The following FKBP7 variants were observed in gnomAD, a reference collection of about 807,000 sequenced individuals.
The protein encoded by FKBP7 is peptidyl-prolyl cis-trans isomerase FKBP7.
Under a neutral mutation model 24.3 loss-of-function variants are expected in FKBP7, and 24 were observed. The ratio of observed to expected loss-of-function variants is 0.99; its 90% CI spans 0.72 to 1.39. FKBP7 has a LOEUF of 1.39. FKBP7 is among the 40% of genes most tolerant of loss of function. FKBP7 has a pLI of 0.00. For missense variants in FKBP7, 257 were observed against 269.5 expected (o/e 0.95, Z 0.33); for synonymous variants, 98 against 92.8 (o/e 1.06, Z -0.32).
chr2:178,476,434 T>C (rs891754432), intron 2 of FKBP7, among the ~76,000 whole-genome samples: 32 of 152,332 alleles, frequency 2.1e-4, no homozygotes, highest in African/African-American at 6.3e-4. Context: ...TACACTACCA[T>C]GCAACCAATC....
chr2:178,478,138 A>AT (rs545787975), intron 1 of FKBP7, 141 bp downstream of exon 1: 553 of 810,202 alleles, frequency 6.8e-4, no homozygotes, highest in African/African-American at 4.3e-3. Flanking sequence ...ATATAATGTG[A>AT]TTTTTTTTAA....
chr2:178,472,835 G>C (rs1363743331), intron 2 of FKBP7, among the ~76,000 whole-genome samples: 5 of 104,848 alleles, frequency 4.8e-5, no homozygotes, highest in African/African-American at 1.9e-4. Flanking sequence ...CTGGGTGACA[G>C]AGCAAGACTC....
chr2:178,465,878 C>G lies in FKBP7; in HGVS notation c.561G>C (p.Lys187Asn). ...CTTCTAAAACTGCATCCTGATATGA[C>G]TTGTCACGTGGCTTCTCATCTTTTT... Reference protein sequence around the residue: ...EFEKDEKPRDKSYQDAVLEDI... With the variant: ...EFEKDEKPRDNSYQDAVLEDI... The change falls in exon 4 of 4, where the codon AAG becomes AAC. Residue 187 changes from lysine (K) to asparagine (N), a missense_variant. Transcript: ENST00000424785. 1 of 1,610,094 alleles carries G rather than the reference C, an allele frequency of 6.2e-7. No individual in the cohort carries two copies. The highest frequency in any genetic ancestry group is 2.2e-5 in the East Asian group (1 of 44,662).
chr2:178,470,164 C>T (rs183862930), intron 2 of FKBP7, among the ~76,000 whole-genome samples: 22 of 152,158 alleles, frequency 1.4e-4, no homozygotes, highest in Non-Finnish European at 3.1e-4. Flanking sequence ...CAACCAGTCT[C>T]GGCTTGAAAA....
At position 178,477,073 on chromosome 2, in the gene FKBP7, T is replaced by A; in HGVS notation, c.362A>T (p.Lys121Met). Residue 121 changes from lysine to methionine, a missense_variant, in exon 2 of 4, where the codon AAG becomes ATG. Physicochemically the swap from Lys to Met is moderately conservative, Grantham distance 95. Transcript: ENST00000424785. ...ATTAAACATCTTACCATAGCCTTCC[T>A]TTCCGTATGCAAATGAAGGGGGTAT... ...VVIPPSFAYGKEGYAEGKIPP... is the reference protein window; with the variant it reads ...VVIPPSFAYGMEGYAEGKIPP... The A allele has an allele frequency of 6.3e-7, 1 of 1,594,014 alleles. No individual in the cohort carries two copies. Among genetic ancestry groups the A allele is most frequent in the Non-Finnish European group, 8.5e-7 (1 of 1,174,088 alleles).
At chr2:178,469,928 C>T in intron 2 of FKBP7, 143 bp from the exon 3 acceptor site, 2 of 591,126 alleles carry the variant, frequency 3.4e-6, no homozygotes, top group Non-Finnish European at 5.1e-6. Context: ...TTTTTCTCAT[C>T]TTTTATAACT....
chr2:178,469,288 C>T (rs1306354158), intron 3 of FKBP7, among the ~76,000 whole-genome samples: 1 of 152,188 alleles, frequency 6.6e-6, no homozygotes, highest in African/African-American at 2.4e-5. Flanking sequence ...CCCTTGCTAG[C>T]TCTTTTCATC....
Position 178,465,703 on chromosome 2 carries a change from A to C in FKBP7, c.*67T>G, listed in dbSNP as rs1684633394. ...AAAATAGCAAATACAACTTGGAGAA[A>C]AGTGACTTTGTTTTATACATAAAGT... On this transcript the variant is annotated 3_prime_UTR_variant, in exon 4 of 4. Transcript: ENST00000424785. The C allele has an allele frequency of 1.4e-6, 2 of 1,385,040 alleles. No homozygotes were observed. The highest frequency in any genetic ancestry group is 5.6e-5 in the Admixed American group (2 of 35,744). The allele number at this position is 1,385,040 out of a possible 1,614,324, so 85.8% of individuals were successfully genotyped here.
rs1684635677 is a variant in FKBP7 at position 178,465,750 on chromosome 2, AAAGT to A, written c.*16_*19del. 2 of 1,543,010 alleles carry A rather than the reference AAAGT, an allele frequency of 1.3e-6. No homozygotes were observed. The highest frequency in any genetic ancestry group is 1.4e-5 in the African/African-American group (1 of 71,488). On this transcript the variant is annotated 3_prime_UTR_variant, in exon 4 of 4. Coordinates refer to ENST00000424785, the MANE Select transcript of FKBP7 (RefSeq NM_181342.3). ...AAGTACAGTAAATAGCTAAAAAAAA[AAAGT>A]AGAAATACAAATATGCTATAGTTCA... is the stretch of plus-strand genomic sequence containing the variant.
chr2:178,471,652 A>G (rs527449414), intron 2 of FKBP7, among the ~76,000 whole-genome samples: 1 of 152,366 alleles, frequency 6.6e-6, no homozygotes, highest in Admixed American at 6.5e-5. Context: ...CACAGTGCCT[A>G]ATCTACTACA....
intron 2 of FKBP7, among the ~76,000 whole-genome samples, chr2:178,472,751 G>A (rs999833983): frequency 1.3e-5 from 2 of 150,878 alleles, no homozygotes; most frequent in African/African-American, 4.9e-5. Context: ...CGGAGGCTGA[G>A]GCAGGAGAAT....
intron 3 of FKBP7, among the ~76,000 whole-genome samples, chr2:178,468,556 AG>A (rs1335037765): frequency 6.6e-6 from 1 of 151,950 alleles, no homozygotes; most frequent in Non-Finnish European, 1.5e-5. Context: ...CAGGGGTTTA[AG>A]GGTGCAGTGA....
intron 2 of FKBP7, chr2:178,473,170 G>C (rs758976143): frequency 9.8e-7 from 1 of 1,023,620 alleles, no homozygotes; most frequent in South Asian, 1.3e-5. Flanking sequence ...CTAATGTTAG[G>C]TCTTAATAAC....
At chr2:178,474,770 C>T (rs1020233515) in intron 2 of FKBP7, among the ~76,000 whole-genome samples, 1 of 152,202 alleles carries the variant, frequency 6.6e-6, no homozygotes, top group Non-Finnish European at 1.5e-5. Flanking sequence ...TCACCGCAGC[C>T]TCGACCTCCC....
At chr2:178,471,849 A>G (rs1684854922) in intron 2 of FKBP7, among the ~76,000 whole-genome samples, 1 of 152,186 alleles carries the variant, frequency 6.6e-6, no homozygotes, top group Non-Finnish European at 1.5e-5. Flanking sequence ...GTTTTCAAAG[A>G]GAAAACATAG....
chr2:178,470,036 G>T (rs1255476389), intron 2 of FKBP7, among the ~76,000 whole-genome samples: 1 of 150,148 alleles, frequency 6.7e-6, no homozygotes, highest in East Asian at 1.9e-4. Flanking sequence ...TCCAAACCAA[G>T]TCAATTCAAA....
chr2:178,468,888 G>A lies in FKBP7; in HGVS notation c.507+764C>T, dbSNP rs573355149. ...TATTATCTTTTTTTTTTTTTTGGAG[G>A]CAAGGTCTCAGTCTATCTTCCAGGC... On this transcript the variant is annotated intron_variant, in intron 3 of 3. Coordinates refer to ENST00000424785, the MANE Select transcript of FKBP7 (RefSeq NM_181342.3). 1.4e-3 allele frequency among the ~76,000 whole-genome samples: 216 copies of A among 150,074 alleles called. 4 individuals carry two copies. In the South Asian group the frequency reaches 0.022, roughly 15 times the overall value.
At chr2:178,467,725 G>T (rs947309422) in intron 3 of FKBP7, 66 of 152,210 alleles carry the variant, frequency 4.3e-4, no homozygotes, top group African/African-American at 1.4e-3. Flanking sequence ...TACTATTTTG[G>T]ATTTTCTCTA....
chr2:178,464,091 C>T lies in FKBP7; in HGVS notation c.*1679G>A, dbSNP rs980245456. 3 of 152,036 alleles carry T rather than the reference C, an allele frequency of 2.0e-5. No homozygotes were observed. The highest frequency in any genetic ancestry group is 2.9e-5 in the Non-Finnish European group (2 of 68,002). 9.4% of individuals were successfully genotyped at this position (152,036 alleles called of 1,614,324 possible). A position where few individuals can be genotyped will look rare whatever the true frequency, so the allele number is the denominator to read the frequency against. On this transcript the variant is annotated 3_prime_UTR_variant, in exon 4 of 4. Coordinates refer to ENST00000424785, the MANE Select transcript of FKBP7 (RefSeq NM_181342.3). ...CTAGCCATATGTATTATTTACTAAT[C>T]TCATGGTTGTGTTACCCCTATGTAT...
Sources: allele counts gnomAD v4.1 joint callset (sites outside exome capture counted in the v4.1 genomes callset), GRCh38; gene constraint gnomAD v4.1.1; transcripts MANE v1.5; gene names NCBI Gene and HGNC (gene_info 2026-07-23, HGNC 2026-07-21).